The following GSDMC variants were observed in gnomAD, a reference collection of about 807,000 sequenced individuals.
The protein encoded by GSDMC is gasdermin-C.
Under a neutral mutation model 58.0 loss-of-function variants are expected in GSDMC, and 59 were observed. The observed-to-expected ratio is 1.02, with a 90% CI of 0.82 to 1.26. GSDMC has a LOEUF of 1.26. Among genes scored for constraint, GSDMC ranks in the 50% most tolerant of loss-of-function variants. The pLI is 0.00. For synonymous variants in GSDMC, 241 were observed against 220.2 expected (o/e 1.09, Z -0.83); for missense variants, 659 against 598.5 (o/e 1.10, Z -1.06).
chr8:129,713,287 C>T, the GSDMC span, among the ~76,000 whole-genome samples: 1 of 152,190 alleles, frequency 6.6e-6, no homozygotes, highest in East Asian at 1.9e-4. Context: ...AGCTGTGTGT[C>T]TGTTTTCAAA....
At chr8:129,729,811 A>G in the GSDMC span, 1 of 664,706 alleles carries the variant, frequency 1.5e-6, no homozygotes, top group Non-Finnish European at 2.7e-6. Context: ...TGCACAGAGT[A>G]CAAAGAGTGC....
chr8:129,760,536 G>A lies in GSDMC; in HGVS notation c.721+9C>T. ...TAAAAAAATAAAAAGACCAGGCTTT[G>A]GAACTCACCATCTTGAAAGGTTCTC... On this transcript the variant is annotated intron_variant, in intron 6 of 13. Transcript: ENST00000276708. 1 of 1,556,790 alleles carries A rather than the reference G, an allele frequency of 6.4e-7. No individual in the cohort carries two copies. Among genetic ancestry groups the A allele is most frequent in the Non-Finnish European group, 8.8e-7 (1 of 1,130,162 alleles).
the GSDMC span, among the ~76,000 whole-genome samples, chr8:129,709,660 C>G: frequency 6.6e-6 from 1 of 151,948 alleles, no homozygotes; most frequent in Non-Finnish European, 1.5e-5. Context: ...AGCTATGTAT[C>G]TCCACACTTC....
At chr8:129,712,251 C>T in the GSDMC span, among the ~76,000 whole-genome samples, 1 of 151,994 alleles carries the variant, frequency 6.6e-6, no homozygotes. Context: ...ACATTTCTAC[C>T]TTAGAAGTTT....
chr8:129,778,887 C>T (rs140034312), intron 1 of GSDMC, among the ~76,000 whole-genome samples: 2,165 of 150,768 alleles, frequency 0.014, 61 homozygotes, highest in African/African-American at 0.049. Context: ...ATTAGAGAAA[C>T]ACAAATCAAA....
the GSDMC span, among the ~76,000 whole-genome samples, chr8:129,710,768 A>G: frequency 2.6e-5 from 4 of 152,302 alleles, no homozygotes; most frequent in African/African-American, 7.2e-5. Flanking sequence ...AATAGGGTCA[A>G]AGGTTGCTAT....
the GSDMC span, among the ~76,000 whole-genome samples, chr8:129,739,386 A>C: frequency 6.6e-6 from 1 of 152,228 alleles, no homozygotes; most frequent in African/African-American, 2.4e-5. Flanking sequence ...TGAGTAGAAA[A>C]AAATGCAGAA....
At chr8:129,740,316 A>C in the GSDMC span, among the ~76,000 whole-genome samples, 1 of 152,174 alleles carries the variant, frequency 6.6e-6, no homozygotes. Flanking sequence ...GTGTATAGCA[A>C]TCCTAGGCCC....
chr8:129,750,604 G>A (rs1474031284), intron 10 of GSDMC, 34 bp from the exon 11 acceptor site: 1 of 1,606,806 alleles, frequency 6.2e-7, no homozygotes, highest in South Asian at 1.1e-5. Flanking sequence ...CCAGAAAGTG[G>A]GGACAAGTCT....
the GSDMC span, among the ~76,000 whole-genome samples, chr8:129,736,695 C>CA: frequency 6.6e-6 from 1 of 152,148 alleles, no homozygotes; most frequent in Non-Finnish European, 1.5e-5. Context: ...ACTGAATGGG[C>CA]AAAAACTGGA....
chr8:129,729,605 C>T, the GSDMC span, among the ~76,000 whole-genome samples: 1 of 152,174 alleles, frequency 6.6e-6, no homozygotes, highest in African/African-American at 2.4e-5. Context: ...ATGATGGTTT[C>T]CAGCTTCATC....
At chr8:129,722,399 G>A in the GSDMC span, among the ~76,000 whole-genome samples, 1 of 152,200 alleles carries the variant, frequency 6.6e-6, no homozygotes, top group Non-Finnish European at 1.5e-5. Context: ...TTATAAACAA[G>A]TCTGTTACAT....
the GSDMC span, among the ~76,000 whole-genome samples, chr8:129,713,300 T>G: frequency 6.6e-6 from 1 of 152,002 alleles, no homozygotes; most frequent in Non-Finnish European, 1.5e-5. Context: ...TTTTCAAAGG[T>G]GATGTGACTG....
At chr8:129,754,041 C>G (rs1045901155) in intron 6 of GSDMC, among the ~76,000 whole-genome samples, 8 of 152,242 alleles carry the variant, frequency 5.3e-5, no homozygotes, top group South Asian at 2.1e-4. Flanking sequence ...TCCCAAACAG[C>G]ATCTCTGTAC....
chr8:129,709,035 C>T, the GSDMC span, among the ~76,000 whole-genome samples: 1 of 152,194 alleles, frequency 6.6e-6, no homozygotes, highest in Non-Finnish European at 1.5e-5. Context: ...TTTGTTTTTC[C>T]TTACACGTCC....
chr8:129,730,420 TAGA>T, the GSDMC span: 1 of 1,146,480 alleles, frequency 8.7e-7, no homozygotes, highest in East Asian at 2.8e-5. Context: ...GAATCTTTAG[TAGA>T]AATTATTTCC....
chr8:129,746,653 T>G (rs1217240196), downstream of GSDMC, among the ~76,000 whole-genome samples: 1 of 152,204 alleles, frequency 6.6e-6, no homozygotes, highest in South Asian at 2.1e-4. Context: ...GAAGAAAGAA[T>G]TCTTCAGGCA....
At chr8:129,752,616 C>A in intron 7 of GSDMC, 82 bp downstream of exon 7, 1 of 1,553,998 alleles carries the variant, frequency 6.4e-7, no homozygotes, top group East Asian at 2.3e-5. Flanking sequence ...ATACACCCCA[C>A]ATAAACACCA....
At position 129,751,874 on chromosome 8, in the gene GSDMC, T is replaced by C; in HGVS notation, c.904A>G (p.Ile302Val). ...GHLPKYEQVH[I>V]LPVGRIEEPF... ...AACTCACACTCACCTACTGGGAGGA[T>C]GTGAACTTGTTCGTATTCTAAAAAA... The change falls in exon 9 of 14, where the codon ATC (isoleucine) becomes GTC (valine). Residue 302 changes from isoleucine to valine, a missense_variant. Physicochemically the swap from Ile to Val is conservative, Grantham distance 29 (BLOSUM62 3). Transcript: ENST00000276708. 1.2e-6 allele frequency: 2 copies of C among 1,611,156 alleles called. No individual in the cohort carries two copies. The highest frequency in any genetic ancestry group is 1.7e-6 in the Non-Finnish European group (2 of 1,177,906).
Sources: gnomAD v4.1 joint callset for allele counts (sites outside exome capture counted in the v4.1 genomes callset) on GRCh38, gnomAD v4.1.1 for gene constraint, MANE v1.5 for transcripts, NCBI Gene and HGNC (gene_info 2026-07-23, HGNC 2026-07-21) for gene names.